Variants in FOCAD observed in about 807,000 individuals in gnomAD.
FOCAD encodes the protein KIAA1797.
FOCAD carries 198 observed loss-of-function variants against 225.6 expected under a neutral mutation model. That is an observed-to-expected ratio of 0.88 (90% CI 0.78 to 0.99). FOCAD has a LOEUF of 0.99. Ranked by LOEUF, FOCAD falls within the 50% of genes least tolerant of loss-of-function variation. The probability of loss-of-function intolerance (pLI) is 0.00; values close to 1 mark genes in which losing one functional copy is unlikely to be tolerated. For synonymous variants in FOCAD, 897 were observed against 755.0 expected (o/e 1.19, Z -3.08); for missense variants, 2,713 against 2,123.6 (o/e 1.28, Z -5.46).
At position 20,781,713 on chromosome 9, in the gene FOCAD, G is replaced by T. The variant is rs376726334; in HGVS notation, c.995-14G>T. ...TTAATTTTTAAAAATGTGCATTATT[G>T]TTTTGATGAATAGCTTTGAAGCTCC... is the stretch of plus-strand genomic sequence containing the variant. On this transcript the variant is annotated splice_polypyrimidine_tract_variant and intron_variant, in intron 9 of 43. Coordinates refer to ENST00000338382, the MANE Select transcript of FOCAD (RefSeq NM_001375567.1). The T allele has an allele frequency of 3.1e-6, 5 of 1,611,468 alleles. No homozygotes were observed. The highest frequency in any genetic ancestry group is 2.5e-6 in the Non-Finnish European group (3 of 1,178,922).
chr9:20,788,568 CCAGA>C (rs1820182347), intron 10 of FOCAD, among the ~76,000 whole-genome samples: 2 of 152,146 alleles, frequency 1.3e-5, no homozygotes, highest in Non-Finnish European at 2.9e-5. Context: ...CCTCTATTAA[CCAGA>C]CAGTTATAAT....
chr9:20,822,878 A>G (rs1824475628), intron 14 of FOCAD, 111 bp from the exon 15 acceptor site: 2 of 946,340 alleles, frequency 2.1e-6, no homozygotes, highest in East Asian at 6.3e-5. Context: ...GTCACCATTT[A>G]GTGGCACAAG....
chr9:20,950,960 T>C (rs1244160853), intron 33 of FOCAD, 36 bp from the exon 34 acceptor site: 1 of 1,552,934 alleles, frequency 6.4e-7, no homozygotes, highest in Non-Finnish European at 8.9e-7. Flanking sequence ...ACTTGGATCT[T>C]ATCCCATCAT....
At chr9:20,930,647 T>G (rs1027363717) in intron 27 of FOCAD, among the ~76,000 whole-genome samples, 7 of 152,330 alleles carry the variant, frequency 4.6e-5, no homozygotes, top group South Asian at 2.1e-4. Flanking sequence ...CTATTGATTT[T>G]GGGGAATACC....
chr9:20,817,136 T>C (rs1344020350), intron 11 of FOCAD, among the ~76,000 whole-genome samples: 1 of 152,162 alleles, frequency 6.6e-6, no homozygotes, highest in Non-Finnish European at 1.5e-5. Flanking sequence ...GTTTGTGCTA[T>C]CAAGTAAGTG....
At position 20,800,316 on chromosome 9, in the gene FOCAD, A is replaced by G. The variant is rs544237317; in HGVS notation, c.1455+10708A>G. On this transcript the variant is annotated intron_variant, in intron 11 of 43. Transcript: ENST00000338382. ...CATTTCAACTTTGGTGAATCTGACA[A>G]TTATGTGTCTTGGAGTTGCTCTTCT... Among the ~76,000 whole-genome samples the G allele has an allele frequency of 8.5e-5, 13 of 152,086 alleles. No homozygotes were observed. In the South Asian group the frequency reaches 2.7e-3, roughly 32 times the overall value.
chr9:20,787,048 G>T, intron 10 of FOCAD: 1 of 396,128 alleles, frequency 2.5e-6, no homozygotes, highest in Non-Finnish European at 5.0e-6. Context: ...TCACTCAATG[G>T]GACAATTTCT....
rs796702774 is a variant in FOCAD at position 20,815,123 on chromosome 9, G to GGTTTCTTTT, written c.1456-4673_1456-4672insGTTTCTTTT. Among the ~76,000 whole-genome samples, 2 of 85,396 alleles carry GGTTTCTTTT rather than the reference G, an allele frequency of 2.3e-5. 1 individual carries two copies. Among genetic ancestry groups the GGTTTCTTTT allele is most frequent in the African/African-American group, 9.3e-5 (2 of 21,450 alleles). The allele number at this position is 85,396 out of a possible 152,430, so 56.0% of individuals were successfully genotyped here. On this transcript the variant is annotated intron_variant, in intron 11 of 43. Transcript: ENST00000338382. ...TCTGGAAATATCATTACTTCTCTTT[G>GGTTTCTTTT]TTTTTTTTTTTTTGTTTTTTTTTTT...
At chr9:20,982,546 T>G in intron 39 of FOCAD, 100 bp downstream of exon 39, 3 of 902,294 alleles carry the variant, frequency 3.3e-6, no homozygotes, top group Non-Finnish European at 3.6e-6. Context: ...TTGCTTCATT[T>G]TTGTTATTGG....
At chr9:20,777,948 G>A (rs1818937604) in intron 8 of FOCAD, among the ~76,000 whole-genome samples, 1 of 151,652 alleles carries the variant, frequency 6.6e-6, no homozygotes, top group African/African-American at 2.4e-5. Flanking sequence ...AAATTAGCCG[G>A]GCGCAGTGGC....
chr9:20,717,353 G>A (rs1259261963), intron 2 of FOCAD, among the ~76,000 whole-genome samples: 1 of 152,202 alleles, frequency 6.6e-6, no homozygotes, highest in Non-Finnish European at 1.5e-5. Context: ...GGCAATGATT[G>A]TTGCTAGCCT....
upstream of FOCAD, chr9:20,658,294 G>A (rs1232544339): frequency 6.2e-6 from 1 of 160,126 alleles, no homozygotes; most frequent in Non-Finnish European, 1.3e-5. Flanking sequence ...CTTGAGCTGT[G>A]GTGGGCTCCG....
rs2131079924 is a variant in FOCAD, at chr9:20,778,744, C to G, written c.970C>G (p.Gln324Glu). 1 of 1,609,154 alleles carries G rather than the reference C, an allele frequency of 6.2e-7. No homozygotes were observed. Among genetic ancestry groups the G allele is most frequent in the Non-Finnish European group, 8.5e-7 (1 of 1,176,192 alleles). The change falls in exon 9 of 44, where the codon CAG becomes GAG. Residue 324 changes from glutamine to glutamate, a missense_variant. Gln to Glu is a conservative substitution (Grantham distance 29). Transcript: ENST00000338382. ...ACTACTTCTACAGACTCCAGCAAGT[C>G]AGCAGAAGCCAATCTTAAATCTAGG... ...ALLLLQTPAS[Q>E]QKPILNLALK...
In FOCAD at chr9:20,721,253, C is replaced by T. The variant is rs115975613; in HGVS notation, c.287+719C>T. Among the ~76,000 whole-genome samples the T allele has an allele frequency of 9.9e-3, 1,503 of 152,176 alleles. 28 individuals are homozygous for T. Among genetic ancestry groups the T allele is most frequent in the African/African-American group, 0.034 (1,418 of 41,512 alleles). ...ACTTCAAATCATTTGGGCTTTTGCCCCCTTCCCTCACCTCTCACCAAGCCT... is the reference window on the plus strand; with the variant it reads ...ACTTCAAATCATTTGGGCTTTTGCCTCCTTCCCTCACCTCTCACCAAGCCT... On this transcript the variant is annotated intron_variant, in intron 4 of 43. Coordinates refer to ENST00000338382, the MANE Select transcript of FOCAD (RefSeq NM_001375567.1).
intron 5 of FOCAD, among the ~76,000 whole-genome samples, chr9:20,746,945 G>A (rs1828087149): frequency 6.6e-6 from 1 of 152,166 alleles, no homozygotes; most frequent in African/African-American, 2.4e-5. Flanking sequence ...TCCTTCTGAG[G>A]TTAATCACAT....
intron 4 of FOCAD, among the ~76,000 whole-genome samples, chr9:20,725,221 G>C (rs146988617): frequency 6.6e-6 from 1 of 152,166 alleles, no homozygotes; most frequent in Non-Finnish European, 1.5e-5. Context: ...ATGACTTTGG[G>C]TGAGACAGTT....
intron 2 of FOCAD, among the ~76,000 whole-genome samples, chr9:20,717,000 G>C (rs1337318001): frequency 6.6e-6 from 1 of 152,216 alleles, no homozygotes; most frequent in East Asian, 1.9e-4. Context: ...AATATGGTAT[G>C]TTTTGTAAAA....
chr9:20,946,610 G>A (rs895238118), intron 29 of FOCAD, 91 bp from the exon 30 acceptor site: 2 of 1,391,110 alleles, frequency 1.4e-6, no homozygotes, highest in African/African-American at 2.9e-5. Flanking sequence ...CTTACTCTGG[G>A]GGGGAGTTTG....
At chr9:20,796,246 G>A (rs1821090091) in intron 11 of FOCAD, among the ~76,000 whole-genome samples, 1 of 152,128 alleles carries the variant, frequency 6.6e-6, no homozygotes, top group Non-Finnish European at 1.5e-5. Flanking sequence ...CCAAGTCTTT[G>A]CTGTTGTAAA....
Sources: allele counts gnomAD v4.1 joint callset (sites outside exome capture counted in the v4.1 genomes callset), GRCh38; gene constraint gnomAD v4.1.1; transcripts MANE v1.5; gene names NCBI Gene and HGNC (gene_info 2026-07-23, HGNC 2026-07-21).